The following NPFFR2 variants were observed in gnomAD, a reference collection of about 807,000 sequenced individuals.
NPFFR2 encodes the protein neuropeptide FF receptor 2, also known as G-protein coupled receptor 74.
In NPFFR2, 15 loss-of-function variants were observed where a neutral mutation model predicts 13.1. That is an observed-to-expected ratio of 1.15 (90% CI 0.77 to 1.76). The LOEUF (loss-of-function observed/expected upper bound fraction) is 1.76. Ranked by LOEUF, NPFFR2 falls within the 40% of genes most tolerant of loss-of-function variation. The probability of loss-of-function intolerance (pLI) is 0.00; values close to 1 mark genes in which losing one functional copy is unlikely to be tolerated. For missense variants in NPFFR2, 572 were observed against 503.5 expected, an observed-to-expected ratio of 1.14 and a Z score of -1.30; for synonymous variants, 190 against 175.7, an observed-to-expected ratio of 1.08 and a Z score of -0.65.
At chr4:72,033,394 C>T (rs1205348168) in intron 1 of NPFFR2, among the ~76,000 whole-genome samples, 1 of 152,130 alleles carries the variant, frequency 6.6e-6, no homozygotes, top group Non-Finnish European at 1.5e-5. Flanking sequence ...ACAGTACCTA[C>T]TGCACTATAT....
At chr4:72,033,549 C>A (rs1316571029) in intron 1 of NPFFR2, among the ~76,000 whole-genome samples, 4 of 152,114 alleles carry the variant, frequency 2.6e-5, no homozygotes, top group Admixed American at 2.0e-4. Flanking sequence ...CCATACACCC[C>A]AATAAGATCT....
intron 1 of NPFFR2, among the ~76,000 whole-genome samples, chr4:72,059,654 C>T (rs966137320): frequency 6.6e-6 from 1 of 152,006 alleles, no homozygotes. Context: ...CTTGGCCCTT[C>T]GTATTCTTAT....
At chr4:72,144,984 A>T (rs1260125072) in intron 3 of NPFFR2, among the ~76,000 whole-genome samples, 1 of 152,198 alleles carries the variant, frequency 6.6e-6, no homozygotes, top group African/African-American at 2.4e-5. Flanking sequence ...AGCTTCTTAA[A>T]TTGTAAAAAT....
At chr4:72,135,542 A>G (rs1481091410) in intron 2 of NPFFR2, among the ~76,000 whole-genome samples, 1 of 151,838 alleles carries the variant, frequency 6.6e-6, no homozygotes, top group Non-Finnish European at 1.5e-5. Context: ...ATTTTGAGTT[A>G]TTTTTATTTT....
intron 1 of NPFFR2, among the ~76,000 whole-genome samples, chr4:72,078,558 C>T (rs1720508884): frequency 6.6e-6 from 1 of 152,060 alleles, no homozygotes; most frequent in Admixed American, 6.6e-5. Context: ...AGGCAAGTTC[C>T]TCCTAAACTT....
intron 1 of NPFFR2, among the ~76,000 whole-genome samples, chr4:72,089,368 A>T (rs925267598): frequency 6.6e-6 from 1 of 152,140 alleles, no homozygotes; most frequent in Non-Finnish European, 1.5e-5. Flanking sequence ...ATCAAATGGT[A>T]TATCTACTTT....
chr4:72,080,351 G>T (rs899428353), intron 1 of NPFFR2, among the ~76,000 whole-genome samples: 4 of 151,960 alleles, frequency 2.6e-5, no homozygotes, highest in Non-Finnish European at 4.4e-5. Flanking sequence ...TTTTAGTAGA[G>T]ACAGGGTTTC....
intron 1 of NPFFR2, among the ~76,000 whole-genome samples, chr4:72,056,428 C>T (rs1247412345): frequency 6.6e-6 from 1 of 151,980 alleles, no homozygotes; most frequent in African/African-American, 2.4e-5. Flanking sequence ...AACATTACTT[C>T]TCATTTACAA....
At position 72,044,568 on chromosome 4, in the gene NPFFR2, T is replaced by A. The variant is rs1482639494; in HGVS notation, c.-8+12368T>A. On this transcript the variant is annotated intron_variant, in intron 1 of 3. Transcript: ENST00000308744. ...TCTCACCAGTGTCAGTTATTTTTTG[T>A]CTTTTTAATAGTAGCCATTCAAACT... Among the ~76,000 whole-genome samples, 3 of 152,282 alleles carry A rather than the reference T, an allele frequency of 2.0e-5. No homozygotes were observed. The East Asian group carries it at 5.8e-4, about 29-fold the overall frequency.
chr4:72,127,108 C>G (rs1722070252), intron 1 of NPFFR2, among the ~76,000 whole-genome samples: 1 of 151,356 alleles, frequency 6.6e-6, no homozygotes, highest in Admixed American at 6.6e-5. Flanking sequence ...CCAGACCATC[C>G]TGGTTAACAC....
intron 1 of NPFFR2, among the ~76,000 whole-genome samples, chr4:72,118,583 C>T (rs192299486): frequency 3.9e-5 from 6 of 152,054 alleles, no homozygotes; most frequent in Non-Finnish European, 5.9e-5. Flanking sequence ...TATGTTATTA[C>T]AAGAAGACAT....
intron 1 of NPFFR2, among the ~76,000 whole-genome samples, chr4:72,107,603 G>C (rs947852487): frequency 4.6e-5 from 7 of 151,840 alleles, no homozygotes; most frequent in Non-Finnish European, 5.9e-5. Flanking sequence ...TTAGTGCCTG[G>C]TACAGAGTTT....
chr4:72,064,681 C>T (rs367798228), intron 1 of NPFFR2, among the ~76,000 whole-genome samples: 1 of 152,090 alleles, frequency 6.6e-6, no homozygotes, highest in Non-Finnish European at 1.5e-5. Flanking sequence ...TTCCATCCAT[C>T]ATGAGTGACA....
chr4:72,083,347 C>T (rs911315278), intron 1 of NPFFR2, among the ~76,000 whole-genome samples: 1 of 152,168 alleles, frequency 6.6e-6, no homozygotes, highest in Admixed American at 6.6e-5. Flanking sequence ...ATCCTTCCAA[C>T]ACTTGTTATA....
chr4:72,133,801 C>T (rs1722324786), intron 2 of NPFFR2, among the ~76,000 whole-genome samples: 1 of 152,046 alleles, frequency 6.6e-6, no homozygotes, highest in Non-Finnish European at 1.5e-5. Context: ...TGATTTGGCT[C>T]TCGGCTTGAC....
intron 1 of NPFFR2, among the ~76,000 whole-genome samples, chr4:72,087,946 T>C (rs1720813563): frequency 6.6e-6 from 1 of 152,042 alleles, no homozygotes; most frequent in Non-Finnish European, 1.5e-5. Flanking sequence ...CCCCCAAAAA[T>C]AGCCATGCAA....
chr4:72,032,268 G>T, intron 1 of NPFFR2, 68 bp downstream of exon 1: 1 of 1,466,272 alleles, frequency 6.8e-7, no homozygotes, highest in Non-Finnish European at 9.1e-7. Flanking sequence ...AATGCCCAAC[G>T]CTTGCCTTGA....
intron 1 of NPFFR2, among the ~76,000 whole-genome samples, chr4:72,104,786 A>G (rs114026689): frequency 6.6e-6 from 1 of 152,038 alleles, no homozygotes; most frequent in Admixed American, 6.6e-5. Flanking sequence ...TTAATATCAA[A>G]GGAATATTTA....
chr4:72,107,495 T>TCTTTCTTTCCTTTTC (rs1721448971), intron 1 of NPFFR2, among the ~76,000 whole-genome samples: 1 of 151,844 alleles, frequency 6.6e-6, no homozygotes, highest in African/African-American at 2.4e-5. Context: ...CATCTTCCTA[T>TCTTTCTTTCCTTTTC]CTTTCTTTCC....
Sources: allele counts gnomAD v4.1 joint callset (sites outside exome capture counted in the v4.1 genomes callset), GRCh38; gene constraint gnomAD v4.1.1; transcripts MANE v1.5; gene names NCBI Gene and HGNC (gene_info 2026-07-23, HGNC 2026-07-21).